The following WDR72 variants were observed in gnomAD, a reference collection of about 807,000 sequenced individuals.
WDR72 encodes WD repeat domain 72.
In WDR72, 120 loss-of-function variants were observed where a neutral mutation model predicts 124.2. The ratio of observed to expected loss-of-function variants is 0.97; its 90% CI spans 0.83 to 1.12. The LOEUF (loss-of-function observed/expected upper bound fraction) is 1.12. Among genes scored for constraint, WDR72 ranks in the 50% most tolerant of loss-of-function variants. The pLI is 0.00. For missense variants in WDR72, 1,387 were observed against 1,278.8 expected (o/e 1.08, Z -1.29); for synonymous variants, 452 against 441.7 (o/e 1.02, Z -0.29).
chr15:53,711,156 A>G (rs1307479664), intron 8 of WDR72, 180 bp downstream of exon 8: 3 of 927,010 alleles, frequency 3.2e-6, no homozygotes, highest in Non-Finnish European at 5.1e-6. Flanking sequence ...TCATTCCTCC[A>G]TCCCCTGCTG....
intron 12 of WDR72, among the ~76,000 whole-genome samples, chr15:53,700,664 A>C (rs1180211496): frequency 6.6e-6 from 1 of 152,114 alleles, no homozygotes; most frequent in African/African-American, 2.4e-5. Context: ...ACCTTGAGAC[A>C]CCCATTACTC....
At chr15:53,734,068 T>C (rs963657511) in intron 1 of WDR72, among the ~76,000 whole-genome samples, 2 of 152,338 alleles carry the variant, frequency 1.3e-5, no homozygotes, top group South Asian at 4.1e-4. Flanking sequence ...GGATTTCTGT[T>C]GCTAAACCAC....
At chr15:53,760,015 CCTTT>C (rs2019031484), upstream of WDR72, among the ~76,000 whole-genome samples, 1 of 29,468 alleles carries the variant, frequency 3.4e-5, no homozygotes. Flanking sequence ...GAGGCCTCAA[CCTTT>C]TTTTTTTTTT....
At chr15:53,726,264 G>GTGTATATATATATA (rs1555428779) in intron 2 of WDR72, among the ~76,000 whole-genome samples, 10 of 110,356 alleles carry the variant, frequency 9.1e-5, no homozygotes, top group African/African-American at 4.1e-4. Flanking sequence ...ATGTATGTGT[G>GTGTATATATATATA]TATATATATA....
intron 18 of WDR72, among the ~76,000 whole-genome samples, chr15:53,539,698 A>C (rs778339044): frequency 2.6e-5 from 4 of 152,034 alleles, no homozygotes; most frequent in Non-Finnish European, 5.9e-5. Context: ...AGAAAGTGAG[A>C]GAGAAAGAGA....
chr15:53,758,386 A>G (rs1458251022), intron 1 of WDR72, among the ~76,000 whole-genome samples: 1 of 152,202 alleles, frequency 6.6e-6, no homozygotes, highest in Non-Finnish European at 1.5e-5. Flanking sequence ...AATATAAAAT[A>G]TTAATTTTTA....
intron 18 of WDR72, among the ~76,000 whole-genome samples, chr15:53,575,190 C>CA (rs1386963008): frequency 2.0e-5 from 3 of 151,968 alleles, no homozygotes; most frequent in Non-Finnish European, 4.4e-5. Flanking sequence ...CCGAACTCAA[C>CA]ATAAGGGTCA....
intron 18 of WDR72, among the ~76,000 whole-genome samples, chr15:53,568,055 T>C (rs920122998): frequency 8.9e-6 from 1 of 112,590 alleles, no homozygotes; most frequent in African/African-American, 3.4e-5. Context: ...GATTTGATTC[T>C]AGGCATTTTT....
intron 18 of WDR72, among the ~76,000 whole-genome samples, chr15:53,573,994 T>G (rs535656394): frequency 6.6e-6 from 1 of 152,364 alleles, no homozygotes; most frequent in African/African-American, 2.4e-5. Context: ...TTCTAACGTT[T>G]GAGTATGTTA....
chr15:53,699,579 C>T (rs112595614), intron 13 of WDR72, among the ~76,000 whole-genome samples, 171 bp downstream of exon 13: 5 of 152,252 alleles, frequency 3.3e-5, no homozygotes, highest in African/African-American at 4.8e-5. Context: ...TGACTTAGGC[C>T]GTTGTGTTTA....
chr15:53,587,956 T>A (rs925451777), intron 18 of WDR72, among the ~76,000 whole-genome samples: 4 of 152,000 alleles, frequency 2.6e-5, no homozygotes, highest in Non-Finnish European at 5.9e-5. Context: ...CTGCCTTGGT[T>A]TTGCCTTCAA....
intron 13 of WDR72, among the ~76,000 whole-genome samples, chr15:53,680,905 T>C (rs1366300099): frequency 6.6e-6 from 1 of 152,228 alleles, no homozygotes; most frequent in South Asian, 2.1e-4. Flanking sequence ...TGGGATGCAC[T>C]GACAAGGCTG....
At chr15:53,626,063 T>A (rs1286428669) in intron 14 of WDR72, among the ~76,000 whole-genome samples, 5 of 152,088 alleles carry the variant, frequency 3.3e-5, no homozygotes, top group Non-Finnish European at 7.4e-5. Context: ...TGTGAAAAAA[T>A]TTGACCTGCC....
At chr15:53,729,324 C>T (rs116191709) in intron 2 of WDR72, among the ~76,000 whole-genome samples, 155 of 152,256 alleles carry the variant, frequency 1.0e-3, no homozygotes, top group African/African-American at 3.4e-3. Context: ...CTGATGTCAG[C>T]TCCCCCTTTC....
intron 1 of WDR72, among the ~76,000 whole-genome samples, chr15:53,741,884 C>T (rs1330778332): frequency 6.6e-6 from 1 of 152,132 alleles, no homozygotes; most frequent in East Asian, 1.9e-4. Context: ...CCTGCCACCA[C>T]ACCTAGCTAA....
At chr15:53,757,643 A>C (rs76089194) in intron 1 of WDR72, among the ~76,000 whole-genome samples, 45,770 of 149,606 alleles carry the variant, frequency 0.31, 7,443 homozygotes, top group East Asian at 0.45. Context: ...ACAACAACAA[A>C]AAATTAAAAA....
intron 18 of WDR72, among the ~76,000 whole-genome samples, chr15:53,538,516 A>G (rs1310311043): frequency 1.3e-5 from 2 of 152,200 alleles, no homozygotes; most frequent in Non-Finnish European, 2.9e-5. Context: ...TGTTATTAAC[A>G]TTCTTCTTTT....
intron 16 of WDR72, among the ~76,000 whole-genome samples, chr15:53,612,145 T>G (rs942424018): frequency 3.9e-5 from 6 of 152,168 alleles, no homozygotes; most frequent in African/African-American, 1.4e-4. Flanking sequence ...AAACCACTGT[T>G]CTAGTCATTA....
At chr15:53,568,704 C>T (rs547675088) in intron 18 of WDR72, among the ~76,000 whole-genome samples, 1 of 152,074 alleles carries the variant, frequency 6.6e-6, no homozygotes, top group South Asian at 2.1e-4. Flanking sequence ...CTCATCAATT[C>T]CTGCTCCAAA....
Sources: allele counts gnomAD v4.1 joint callset (sites outside exome capture counted in the v4.1 genomes callset), GRCh38; gene constraint gnomAD v4.1.1; transcripts MANE v1.5; gene names NCBI Gene and HGNC (gene_info 2026-07-23, HGNC 2026-07-21).